Variants in SOBP observed in about 807,000 individuals in gnomAD.
SOBP encodes sine oculis-binding protein homolog.
A neutral mutation model predicts 53.6 loss-of-function variants in SOBP; 4 were observed. The observed-to-expected ratio is 0.07, with a 90% CI of 0.04 to 0.17. The LOEUF is 0.17. SOBP is among the 10% of genes least tolerant of loss of function. SOBP has a pLI of 1.00. For synonymous variants in SOBP, 584 were observed against 522.6 expected (o/e 1.12, Z -1.60); for missense variants, 1,088 against 1,204.7 (o/e 0.90, Z 1.43).
rs566476778 is a variant in SOBP, at chr6:107,603,100, T to C, written c.669+15925T>C. ...TTGATACTCAGCTAGCAGATGCTCA[T>C]GAACATGCAAATGAATGTGGTAAGC... On this transcript the variant is annotated intron_variant, in intron 5 of 6. Coordinates refer to ENST00000317357, the MANE Select transcript of SOBP (RefSeq NM_018013.4). Among the ~76,000 whole-genome samples the C allele has an allele frequency of 2.0e-5, 3 of 152,316 alleles. No homozygotes were observed. The East Asian group carries it at 5.8e-4, about 29-fold the overall frequency.
intron 5 of SOBP, among the ~76,000 whole-genome samples, chr6:107,591,086 C>A (rs1047089846): frequency 5.3e-5 from 8 of 152,202 alleles, no homozygotes; most frequent in South Asian, 4.1e-4. Context: ...TATACACTGT[C>A]ATCCTGGTGG....
In SOBP at chr6:107,548,252, C is replaced by CTTT. The variant is rs1300058979; in HGVS notation, c.573+14645_573+14647dup. On this transcript the variant is annotated intron_variant, in intron 4 of 6. Transcript: ENST00000317357. ...TAATATAATTTTCTTTTTCTGTTTTCTTTTTGTTTTTTTTTTTTTGAGACA... is the reference window on the plus strand; with the variant it reads ...TAATATAATTTTCTTTTTCTGTTTTCTTTTTTTTGTTTTTTTTTTTTTGAGACA... Among the ~76,000 whole-genome samples, 38 of 150,104 alleles carry CTTT rather than the reference C, an allele frequency of 2.5e-4. 1 individual carries two copies. Among genetic ancestry groups the CTTT allele is most frequent in the African/African-American group, 9.5e-4 (38 of 40,128 alleles).
At chr6:107,626,130 T>C (rs1401847550) in intron 5 of SOBP, among the ~76,000 whole-genome samples, 1 of 152,142 alleles carries the variant, frequency 6.6e-6, no homozygotes, top group Non-Finnish European at 1.5e-5. Context: ...GAAAAAAGAT[T>C]CAGATAATAC....
chr6:107,521,983 AC>A (rs1783513328), intron 3 of SOBP, among the ~76,000 whole-genome samples: 2 of 151,172 alleles, frequency 1.3e-5, no homozygotes, highest in East Asian at 3.9e-4. Flanking sequence ...TCTGAGAATT[AC>A]CAAGTCCAGA....
chr6:107,493,488 GC>G (rs199886428), intron 1 of SOBP, among the ~76,000 whole-genome samples: 1 of 152,168 alleles, frequency 6.6e-6, no homozygotes, highest in Non-Finnish European at 1.5e-5. Flanking sequence ...TCAGGAGGAG[GC>G]CCCCCTTAGG....
intron 4 of SOBP, among the ~76,000 whole-genome samples, chr6:107,572,444 C>T (rs1283293583): frequency 1.3e-5 from 2 of 152,022 alleles, no homozygotes; most frequent in African/African-American, 4.8e-5. Flanking sequence ...GCTGGGACTA[C>T]AGGTGCCCAC....
chr6:107,592,078 A>G (rs1365532622), intron 5 of SOBP, among the ~76,000 whole-genome samples: 2 of 148,982 alleles, frequency 1.3e-5, no homozygotes, highest in Admixed American at 6.8e-5. Context: ...GGGACAATGC[A>G]TACATAAAAC....
intron 5 of SOBP, among the ~76,000 whole-genome samples, chr6:107,589,934 G>A (rs116625070): frequency 0.014 from 2,090 of 152,280 alleles, 35 homozygotes; most frequent in African/African-American, 0.048. Flanking sequence ...GAAAATGTAG[G>A]AAATTTCTAT....
In SOBP at chr6:107,533,906, G is replaced by A. The variant is rs193215466; in HGVS notation, c.573+296G>A. ...AGTGTCTTTCCAGCAGTAGAGTGCA[G>A]ACTGCACTCTGAGTACATGAAAGAT... On this transcript the variant is annotated intron_variant, in intron 4 of 6. Coordinates refer to ENST00000317357, the MANE Select transcript of SOBP (RefSeq NM_018013.4). 2.6e-5 allele frequency among the ~76,000 whole-genome samples: 4 copies of A among 152,268 alleles called. No individual in the cohort carries two copies. The East Asian group carries it at 7.7e-4, about 29-fold the overall frequency.
intron 1 of SOBP, among the ~76,000 whole-genome samples, chr6:107,499,837 CTTGTT>C (rs986415055): frequency 6.6e-6 from 1 of 152,086 alleles, no homozygotes; most frequent in African/African-American, 2.4e-5. Flanking sequence ...CGTTCAGTGG[CTTGTT>C]TTATTACTGA....
chr6:107,610,246 GTC>G (rs1250791729), intron 5 of SOBP, among the ~76,000 whole-genome samples: 1 of 152,164 alleles, frequency 6.6e-6, no homozygotes, highest in Non-Finnish European at 1.5e-5. Context: ...GCTCTCTGGG[GTC>G]TCCGTGAGCA....
chr6:107,558,158 C>G (rs1383165452), intron 4 of SOBP: 2 of 152,062 alleles, frequency 1.3e-5, no homozygotes, highest in Admixed American at 6.6e-5. Context: ...AAACTTGGTT[C>G]TGAGTACTTA....
At chr6:107,615,080 T>A (rs1720590526) in intron 5 of SOBP, among the ~76,000 whole-genome samples, 1 of 152,150 alleles carries the variant, frequency 6.6e-6, no homozygotes, top group Non-Finnish European at 1.5e-5. Context: ...GGACCTTGGG[T>A]TCTAGCAAAG....
chr6:107,553,736 T>G (rs1784532996), intron 4 of SOBP, among the ~76,000 whole-genome samples: 1 of 152,118 alleles, frequency 6.6e-6, no homozygotes, highest in South Asian at 2.1e-4. Context: ...TCCACCCGCC[T>G]TGGCCTCCCA....
chr6:107,558,695 T>C (rs1784689476), intron 4 of SOBP, among the ~76,000 whole-genome samples: 1 of 150,994 alleles, frequency 6.6e-6, no homozygotes, highest in Non-Finnish European at 1.5e-5. Context: ...ATATTTTATA[T>C]ATGAAATATA....
At chr6:107,554,500 A>G (rs1784551745) in intron 4 of SOBP, among the ~76,000 whole-genome samples, 1 of 152,196 alleles carries the variant, frequency 6.6e-6, no homozygotes, top group Non-Finnish European at 1.5e-5. Context: ...AAAGGAATTT[A>G]AACTGTCAGC....
At chr6:107,511,265 G>A (rs1438865701) in intron 3 of SOBP, 2 of 152,128 alleles carry the variant, frequency 1.3e-5, no homozygotes, top group African/African-American at 4.8e-5. Context: ...GAATAATAAT[G>A]CCTGTTAATA....
chr6:107,526,003 A>G (rs1397836807), intron 3 of SOBP, among the ~76,000 whole-genome samples: 2 of 151,556 alleles, frequency 1.3e-5, no homozygotes, highest in African/African-American at 4.9e-5. Flanking sequence ...GCTGGAGTGC[A>G]ATGGCACCAT....
chr6:107,603,676 G>A (rs1786266249), intron 5 of SOBP, among the ~76,000 whole-genome samples: 1 of 152,154 alleles, frequency 6.6e-6, no homozygotes, highest in South Asian at 2.1e-4. Context: ...TCAGAGAGAT[G>A]TACTAAGCTA....
Sources: allele counts gnomAD v4.1 joint callset (sites outside exome capture counted in the v4.1 genomes callset), GRCh38; gene constraint gnomAD v4.1.1; transcripts MANE v1.5; gene names NCBI Gene and HGNC (gene_info 2026-07-23, HGNC 2026-07-21).